FHIT: variants seen among roughly 807,000 people sequenced by gnomAD.
FHIT encodes the protein fragile histidine triad diadenosine triphosphatase, also known as bis(5'-adenosyl)-triphosphatase.
In FHIT, 19 loss-of-function variants were observed where a neutral mutation model predicts 17.9. That is an observed-to-expected ratio of 1.06 (90% CI 0.74 to 1.56). The LOEUF is 1.56. FHIT is among the 40% of genes most tolerant of loss of function. The pLI is 0.00. For synonymous variants in FHIT, 81 were observed against 69.7 expected (o/e 1.16, Z -0.81); for missense variants, 248 against 189.2 (o/e 1.31, Z -1.82).
intron 3 of FHIT, among the ~76,000 whole-genome samples, chr3:61,012,715 G>A (rs1467694743): frequency 6.6e-6 from 1 of 151,114 alleles, no homozygotes; most frequent in Non-Finnish European, 1.5e-5. Flanking sequence ...AAAAATATAA[G>A]AAATACATAT....
intron 8 of FHIT, among the ~76,000 whole-genome samples, chr3:59,910,554 C>G (rs1010676207): frequency 1.3e-5 from 2 of 152,124 alleles, no homozygotes; most frequent in Non-Finnish European, 2.9e-5. Context: ...TGTCTCATCT[C>G]TCATGGCTAG....
chr3:60,671,028 T>G (rs185705575), intron 4 of FHIT, among the ~76,000 whole-genome samples: 5 of 152,162 alleles, frequency 3.3e-5, no homozygotes, highest in Non-Finnish European at 7.3e-5. Context: ...GACTTTTCAC[T>G]GTAGGCATGA....
chr3:60,410,118 A>C (rs1159982365), intron 5 of FHIT, among the ~76,000 whole-genome samples: 1 of 152,224 alleles, frequency 6.6e-6, no homozygotes, highest in African/African-American at 2.4e-5. Context: ...GCATAGGTAA[A>C]AGTTACAAAA....
intron 3 of FHIT, among the ~76,000 whole-genome samples, chr3:60,836,792 G>T (rs1423182407): frequency 6.6e-6 from 1 of 152,104 alleles, no homozygotes; most frequent in African/African-American, 2.4e-5. Flanking sequence ...GGGAAGGCAG[G>T]GGTTTAAAAA....
intron 4 of FHIT, among the ~76,000 whole-genome samples, chr3:60,815,519 C>T (rs532885540): frequency 6.6e-6 from 1 of 151,898 alleles, no homozygotes; most frequent in South Asian, 2.1e-4. Flanking sequence ...CTTTTGTTAA[C>T]TTTGTTGAAG....
intron 5 of FHIT, among the ~76,000 whole-genome samples, chr3:60,522,954 TG>T (rs2107569739): frequency 6.6e-6 from 1 of 152,192 alleles, no homozygotes; most frequent in African/African-American, 2.4e-5. Flanking sequence ...TCCACGTGGC[TG>T]GGGAGGCCTC....
chr3:61,041,317 C>T (rs748941169), intron 3 of FHIT, among the ~76,000 whole-genome samples: 2 of 151,512 alleles, frequency 1.3e-5, no homozygotes, highest in South Asian at 2.1e-4. Flanking sequence ...GCAGAAGTTG[C>T]GGTGAGCTGA....
At chr3:59,957,842 C>T (rs151006391) in intron 7 of FHIT, among the ~76,000 whole-genome samples, 1 of 152,306 alleles carries the variant, frequency 6.6e-6, no homozygotes, top group African/African-American at 2.4e-5. Flanking sequence ...GGCTATACAA[C>T]ATGGAACACT....
chr3:60,923,193 A>C (rs1335934937), intron 3 of FHIT, among the ~76,000 whole-genome samples: 1 of 152,212 alleles, frequency 6.6e-6, no homozygotes. Flanking sequence ...TCATTTTTTT[A>C]CAAAATTTCT....
At chr3:60,107,910 C>A (rs1012041893) in intron 5 of FHIT, among the ~76,000 whole-genome samples, 13 of 152,156 alleles carry the variant, frequency 8.5e-5, no homozygotes, top group Admixed American at 8.5e-4. Context: ...AATTTGCTTC[C>A]TTGAGGCATT....
At chr3:59,963,205 C>T (rs563265287) in intron 7 of FHIT, among the ~76,000 whole-genome samples, 204 of 151,016 alleles carry the variant, frequency 1.4e-3, no homozygotes, top group Middle Eastern at 6.8e-3. Flanking sequence ...AGGTGGAGTT[C>T]GCAATGAGCC....
At chr3:60,325,444 AT>A (rs545620409) in intron 5 of FHIT, among the ~76,000 whole-genome samples, 3 of 152,076 alleles carry the variant, frequency 2.0e-5, no homozygotes, top group Non-Finnish European at 2.9e-5. Context: ...GCTTACATAC[AT>A]TTTTTTCAAT....
intron 5 of FHIT, among the ~76,000 whole-genome samples, chr3:60,089,469 T>C (rs952979739): frequency 8.5e-5 from 13 of 152,108 alleles, no homozygotes; most frequent in Non-Finnish European, 1.5e-4. Flanking sequence ...ATGCATATAG[T>C]ATGATGGATG....
intron 8 of FHIT, among the ~76,000 whole-genome samples, chr3:59,827,662 C>T (rs1222844214): frequency 1.3e-5 from 2 of 152,180 alleles, no homozygotes; most frequent in Admixed American, 6.5e-5. Flanking sequence ...GTCACTCAGT[C>T]GGGAATTAGT....
intron 5 of FHIT, among the ~76,000 whole-genome samples, chr3:60,088,614 A>G (rs966524845): frequency 6.6e-6 from 1 of 152,126 alleles, no homozygotes; most frequent in Non-Finnish European, 1.5e-5. Context: ...CTTTTTTTGC[A>G]TAAATAAACA....
rs541858488 is a variant in FHIT at position 60,563,877 on chromosome 3, C to G, written c.-17-26898G>C. Among the ~76,000 whole-genome samples, 3 of 152,312 alleles carry G rather than the reference C, an allele frequency of 2.0e-5. No homozygotes were observed. In the South Asian group the frequency reaches 6.2e-4, roughly 32 times the overall value. On this transcript the variant is annotated intron_variant, in intron 4 of 9. Coordinates refer to ENST00000492590, the MANE Select transcript of FHIT (RefSeq NM_002012.4). ...GAAGCAGCAAGTGCTAATACAGAAGCTGCAGCAAGTTTTCCAGAAGAGCTG... is the reference window on the plus strand; with the variant it reads ...GAAGCAGCAAGTGCTAATACAGAAGGTGCAGCAAGTTTTCCAGAAGAGCTG...
At chr3:60,239,371 C>T (rs1312633627) in intron 5 of FHIT, among the ~76,000 whole-genome samples, 1 of 151,918 alleles carries the variant, frequency 6.6e-6, no homozygotes, top group East Asian at 1.9e-4. Context: ...TTGAGAGCAC[C>T]CTGGGCAACA....
chr3:59,792,490 C>T (rs1699606048), intron 8 of FHIT, among the ~76,000 whole-genome samples: 2 of 152,076 alleles, frequency 1.3e-5, no homozygotes, highest in African/African-American at 4.8e-5. Flanking sequence ...GGGTTTAAAT[C>T]CTAGATTTGC....
At chr3:60,697,367 G>T (rs2041137894) in intron 4 of FHIT, among the ~76,000 whole-genome samples, 1 of 152,054 alleles carries the variant, frequency 6.6e-6, no homozygotes, top group Non-Finnish European at 1.5e-5. Flanking sequence ...CTTGAGATAG[G>T]TGTTTATTTA....
Sources: allele counts gnomAD v4.1 joint callset (sites outside exome capture counted in the v4.1 genomes callset), GRCh38; gene constraint gnomAD v4.1.1; transcripts MANE v1.5; gene names NCBI Gene and HGNC (gene_info 2026-07-23, HGNC 2026-07-21).